The following DOCK5 variants were observed in gnomAD, a reference collection of about 807,000 sequenced individuals.
The protein encoded by DOCK5 is dedicator of cytokinesis protein 5.
DOCK5 carries 142 observed loss-of-function variants against 251.8 expected under a neutral mutation model. The observed-to-expected ratio is 0.56, with a 90% CI of 0.49 to 0.65. The LOEUF (loss-of-function observed/expected upper bound fraction) is 0.65, where lower values mean the gene tolerates loss of function less well. DOCK5 is among the 30% of genes least tolerant of loss of function. DOCK5 has a pLI of 0.00. For synonymous variants in DOCK5, 842 were observed against 835.5 expected (o/e 1.01, Z -0.13); for missense variants, 2,111 against 2,312.3 (o/e 0.91, Z 1.79).
intron 36 of DOCK5, 22 bp downstream of exon 36, chr8:25,373,680 G>A: frequency 6.3e-7 from 1 of 1,576,742 alleles, no homozygotes; most frequent in Non-Finnish European, 8.6e-7. Context: ...GAAATTTCTT[G>A]CTTCTGCTGT....
chr8:25,291,826 T>C (rs954844985), intron 5 of DOCK5, among the ~76,000 whole-genome samples, 198 bp from the exon 6 acceptor site: 3 of 139,194 alleles, frequency 2.2e-5, no homozygotes, highest in African/African-American at 8.1e-5. Context: ...TGAGCCAAGA[T>C]AGTGCTACTG....
At chr8:25,214,916 A>C (rs79284210) in intron 1 of DOCK5, among the ~76,000 whole-genome samples, 23,617 of 152,090 alleles carry the variant, frequency 0.16, 2,012 homozygotes, top group Admixed American at 0.24. Context: ...TTTATCCGCC[A>C]CTGGCCAGCT....
At chr8:25,202,874 C>A (rs1801912333) in intron 1 of DOCK5, among the ~76,000 whole-genome samples, 1 of 152,136 alleles carries the variant, frequency 6.6e-6, no homozygotes, top group African/African-American at 2.4e-5. Context: ...AATACCCCGG[C>A]AGTTTGTTTT....
chr8:25,345,412 A>T, intron 25 of DOCK5, 63 bp from the exon 26 acceptor site: 1 of 1,593,146 alleles, frequency 6.3e-7, no homozygotes, highest in Non-Finnish European at 8.6e-7. Flanking sequence ...AGTTGCAGGA[A>T]GGAGACAGGC....
intron 38 of DOCK5, among the ~76,000 whole-genome samples, chr8:25,380,078 CAG>C (rs1165720466): frequency 6.6e-6 from 1 of 152,166 alleles, no homozygotes; most frequent in African/African-American, 2.4e-5. Flanking sequence ...TCCGTGCAAA[CAG>C]AACTACAGAA....
rs201323917 is a variant in DOCK5, at chr8:25,345,253, CA to C, written c.2618-221del. 90 of 377,360 alleles carry C rather than the reference CA, an allele frequency of 2.4e-4. No individual in the cohort carries two copies. In the East Asian group the frequency reaches 2.7e-3, roughly 11 times the overall value. The allele number at this position is 377,360 out of a possible 1,614,324, so 23.4% of individuals were successfully genotyped here. A position where few individuals can be genotyped will look rare whatever the true frequency, so the allele number is the denominator to read the frequency against. On this transcript the variant is annotated intron_variant, in intron 25 of 51. Coordinates refer to ENST00000276440, the MANE Select transcript of DOCK5 (RefSeq NM_024940.8). ...TCCCACCTTCACCTGTGAGAAGGGT[CA>C]TTTTTTTTTTTTTTAATTCATTCAT...
intron 14 of DOCK5, among the ~76,000 whole-genome samples, chr8:25,319,322 A>G (rs1344692820): frequency 6.6e-6 from 1 of 152,188 alleles, no homozygotes; most frequent in African/African-American, 2.4e-5. Context: ...AGAAAATACA[A>G]GTTACAGGAA....
chr8:25,408,218 G>A (rs1219652030), intron 49 of DOCK5, 64 bp downstream of exon 49: 1 of 1,473,598 alleles, frequency 6.8e-7, no homozygotes, highest in Non-Finnish European at 9.1e-7. Flanking sequence ...CTGTACCCAG[G>A]CATATCACCA....
rs1313533465 is a variant in DOCK5 at position 25,194,959 on chromosome 8, C to T, written c.43+10008C>T. Among the ~76,000 whole-genome samples, 3 of 151,972 alleles carry T rather than the reference C, an allele frequency of 2.0e-5. No homozygotes were observed. In the South Asian group the frequency reaches 6.2e-4, roughly 32 times the overall value. On this transcript the variant is annotated intron_variant, in intron 1 of 51. Transcript: ENST00000276440. ...TTTTGGGGACGGAGTCTCGCTCTGTCGCCCAGACTGGAGTGTAGTGGCGCA... is the reference window on the plus strand; with the variant it reads ...TTTTGGGGACGGAGTCTCGCTCTGTTGCCCAGACTGGAGTGTAGTGGCGCA...
chr8:25,406,785 G>A (rs762038426), intron 48 of DOCK5, among the ~76,000 whole-genome samples: 78 of 151,922 alleles, frequency 5.1e-4, no homozygotes, highest in East Asian at 1.9e-4. Context: ...CCACCACCAC[G>A]CCTGGTGAAG....
At chr8:25,316,878 T>C (rs1441701622) in intron 13 of DOCK5, 129 bp from the exon 14 acceptor site, 3 of 1,151,492 alleles carry the variant, frequency 2.6e-6, no homozygotes, top group Non-Finnish European at 2.4e-6. Context: ...TGAAAGCCTT[T>C]TGTCGGATGA....
chr8:25,234,641 A>T (rs568419073), intron 1 of DOCK5, among the ~76,000 whole-genome samples: 47 of 152,222 alleles, frequency 3.1e-4, no homozygotes, highest in Non-Finnish European at 5.4e-4. Context: ...TGTGGTGAGT[A>T]CATGGCTGAG....
In DOCK5 at chr8:25,382,577, G is replaced by C. The variant is rs986118353; in HGVS notation, c.4027-97G>C. The C allele has an allele frequency of 7.3e-6, 7 of 952,672 alleles. No individual in the cohort carries two copies. The African/African-American group carries it at 1.2e-4, about 16-fold the overall frequency. 59.0% of individuals were successfully genotyped at this position (952,672 alleles called of 1,614,324 possible). A position where few individuals can be genotyped will look rare whatever the true frequency, so the allele number is the denominator to read the frequency against. On this transcript the variant is annotated intron_variant, in intron 39 of 51. Coordinates refer to ENST00000276440, the MANE Select transcript of DOCK5 (RefSeq NM_024940.8). Reference sequence around the variant, plus strand: ...TTTTCCAAAGACCTTTCATTGCTCTGGGTTACGTGGGAAACAACAAAACAA... The same window carrying C: ...TTTTCCAAAGACCTTTCATTGCTCTCGGTTACGTGGGAAACAACAAAACAA...
At chr8:25,302,126 G>A (rs1221182290) in intron 9 of DOCK5, among the ~76,000 whole-genome samples, 199 bp from the exon 10 acceptor site, 1 of 152,176 alleles carries the variant, frequency 6.6e-6, no homozygotes, top group African/African-American at 2.4e-5. Context: ...AAAAGCACTT[G>A]TTTACAAGCA....
At position 25,316,981 on chromosome 8, in the gene DOCK5, C is replaced by G. The variant is rs762137394; in HGVS notation, c.1319-26C>G. 6 of 1,612,672 alleles carry G rather than the reference C, an allele frequency of 3.7e-6. No homozygotes were observed. The South Asian group carries it at 5.5e-5, about 15-fold the overall frequency. On this transcript the variant is annotated intron_variant, in intron 13 of 51. Transcript: ENST00000276440. ...CTTAGAATGACTTCTCTCAGCAACACTCACAGCATGCTTATCATGTTGCAG... is the reference window on the plus strand; with the variant it reads ...CTTAGAATGACTTCTCTCAGCAACAGTCACAGCATGCTTATCATGTTGCAG...
At chr8:25,271,743 CAAGT>C (rs1406365028) in intron 3 of DOCK5, among the ~76,000 whole-genome samples, 1 of 152,166 alleles carries the variant, frequency 6.6e-6, no homozygotes, top group Non-Finnish European at 1.5e-5. Context: ...TTTTTCTACT[CAAGT>C]GAGTGGGTTA....
At chr8:25,296,844 C>T (rs990549263) in intron 7 of DOCK5, among the ~76,000 whole-genome samples, 196 bp downstream of exon 7, 5 of 151,608 alleles carry the variant, frequency 3.3e-5, no homozygotes, top group African/African-American at 7.3e-5. Context: ...CGCAAAGATA[C>T]GTATTAAGTG....
At position 25,317,138 on chromosome 8, in the gene DOCK5, G is replaced by T. The variant is rs769493499; in HGVS notation, c.1443+7G>T. Reference sequence around the variant, plus strand: ...GGAGGGCAAGCTCTTGGAGGTGCGCGGCATGGCCCAGAAATCCTGCTACCA... The same window carrying T: ...GGAGGGCAAGCTCTTGGAGGTGCGCTGCATGGCCCAGAAATCCTGCTACCA... On this transcript the variant is annotated splice_region_variant and intron_variant, in intron 14 of 51. Transcript: ENST00000276440. The T allele has an allele frequency of 2.5e-6, 4 of 1,611,730 alleles. No individual in the cohort carries two copies. Among genetic ancestry groups the T allele is most frequent in the Non-Finnish European group, 3.4e-6 (4 of 1,178,494 alleles).
intron 1 of DOCK5, among the ~76,000 whole-genome samples, chr8:25,237,587 C>T (rs1802835394): frequency 6.6e-6 from 1 of 152,122 alleles, no homozygotes; most frequent in Non-Finnish European, 1.5e-5. Flanking sequence ...ACTATTTTGT[C>T]TTGTCTACTT....
Sources: gnomAD v4.1 joint callset for allele counts (sites outside exome capture counted in the v4.1 genomes callset) on GRCh38, gnomAD v4.1.1 for gene constraint, MANE v1.5 for transcripts, NCBI Gene and HGNC (gene_info 2026-07-23, HGNC 2026-07-21) for gene names.